NDE1: variants seen among roughly 807,000 people sequenced by gnomAD.
The protein encoded by NDE1 is nuclear distribution protein nudE homolog 1.
A neutral mutation model predicts 43.4 loss-of-function variants in NDE1; 28 were observed. The observed-to-expected ratio is 0.65, with a 90% CI of 0.48 to 0.89. The LOEUF (loss-of-function observed/expected upper bound fraction) is 0.89, where lower values mean the gene tolerates loss of function less well. NDE1 is among the 40% of genes least tolerant of loss of function. NDE1 has a pLI of 0.00. For synonymous variants in NDE1, 184 were observed against 172.0 expected (o/e 1.07, Z -0.55); for missense variants, 441 against 434.1 (o/e 1.02, Z -0.14).
chr16:15,718,507 G>C, intron 8 of NDE1: 1 of 1,529,784 alleles, frequency 6.5e-7, no homozygotes, highest in South Asian at 1.2e-5. Flanking sequence ...CCTCCTTGGA[G>C]TCATGCCTCA....
chr16:15,690,353 CTTTTTTTTTTTT>C (rs869069843), intron 5 of NDE1, among the ~76,000 whole-genome samples: 2,067 of 81,132 alleles, frequency 0.025, 31 homozygotes, highest in South Asian at 0.063. Context: ...TTTTTTTTTT[CTTTTTTTTTTTT>C]TTTTTTTTTT....
At chr16:15,698,744 C>T (rs2151148689) in intron 8 of NDE1, among the ~76,000 whole-genome samples, 1 of 151,968 alleles carries the variant, frequency 6.6e-6, no homozygotes, top group South Asian at 2.1e-4. Context: ...GCCTGTAGTC[C>T]CAGCTGCTTG....
At chr16:15,678,791 A>G (rs2038018427) in intron 4 of NDE1, among the ~76,000 whole-genome samples, 2 of 152,118 alleles carry the variant, frequency 1.3e-5, no homozygotes, top group African/African-American at 4.8e-5. Flanking sequence ...AAATGCGCAG[A>G]TGTGGCCAGG....
chr16:15,690,364 T>TC (rs2038688009), intron 5 of NDE1, among the ~76,000 whole-genome samples: 2 of 114,010 alleles, frequency 1.8e-5, no homozygotes, highest in South Asian at 3.2e-4. Context: ...TTTTTTTTTT[T>TC]TTTTTTTTTT....
At position 15,724,413 on chromosome 16, in the gene NDE1, C is replaced by T. The variant is rs754942889; in HGVS notation, c.*162C>T. On this transcript the variant is annotated 3_prime_UTR_variant, in exon 9 of 9. Coordinates refer to ENST00000396354, the MANE Select transcript of NDE1 (RefSeq NM_017668.3). ...GCTTCTTCTTCGAGTCGGAGAGCTACAAGGACAGCGTCCAGGGTAGGGTGA... is the reference window on the plus strand; with the variant it reads ...GCTTCTTCTTCGAGTCGGAGAGCTATAAGGACAGCGTCCAGGGTAGGGTGA... 5 of 1,613,638 alleles carry T rather than the reference C, an allele frequency of 3.1e-6. No individual in the cohort carries two copies. In the African/African-American group the frequency reaches 5.3e-5, roughly 17 times the overall value.
intron 7 of NDE1, among the ~76,000 whole-genome samples, chr16:15,696,391 A>G (rs554389494): frequency 2.8e-5 from 4 of 141,380 alleles, no homozygotes; most frequent in African/African-American, 9.1e-5. Context: ...CAAAACAAAA[A>G]AAAAAACTGA....
chr16:15,721,481 T>G lies in NDE1; in HGVS notation c.948-2710T>G. On this transcript the variant is annotated intron_variant, in intron 8 of 8. Coordinates refer to ENST00000396354, the MANE Select transcript of NDE1 (RefSeq NM_017668.3). ...TCTTCCATTTCGGCTTTGAGCATTT[T>G]GTTGGTCCGCTCGAGTTCCTCTTTG... The G allele has an allele frequency of 6.2e-6, 10 of 1,614,198 alleles. No individual in the cohort carries two copies. The highest frequency in any genetic ancestry group is 8.5e-6 in the Non-Finnish European group (10 of 1,180,046).
At chr16:15,675,980 A>C (rs2037849349) in intron 3 of NDE1, among the ~76,000 whole-genome samples, 1 of 152,112 alleles carries the variant, frequency 6.6e-6, no homozygotes. Context: ...TAGGTGGTGT[A>C]CTTAGCCTGG....
At chr16:15,690,180 G>A (rs962133788) in intron 5 of NDE1, among the ~76,000 whole-genome samples, 5 of 151,672 alleles carry the variant, frequency 3.3e-5, no homozygotes, top group African/African-American at 1.2e-4. Flanking sequence ...AAGCAGCTGG[G>A]ACTACAGGCG....
upstream of NDE1, among the ~76,000 whole-genome samples, chr16:15,646,441 C>T (rs532288213): frequency 4.6e-5 from 7 of 152,122 alleles, no homozygotes; most frequent in East Asian, 3.9e-4. Flanking sequence ...ATTAGCTGGA[C>T]GTGGTGGTGC....
At chr16:15,720,999 A>T (rs150724324) in intron 8 of NDE1, 8 of 1,613,846 alleles carry the variant, frequency 5.0e-6, no homozygotes, top group Non-Finnish European at 6.8e-6. Flanking sequence ...CTGCGTCTTC[A>T]TCTCCTCCAT....
At chr16:15,665,126 C>T (rs1229915963) in intron 2 of NDE1, among the ~76,000 whole-genome samples, 1 of 151,416 alleles carries the variant, frequency 6.6e-6, no homozygotes, top group Non-Finnish European at 1.5e-5. Context: ...CTCCTGGACT[C>T]AAGTGATGCA....
intron 8 of NDE1, 34 bp from the exon 9 acceptor site, chr16:15,724,157 C>G: frequency 6.2e-7 from 1 of 1,613,166 alleles, no homozygotes; most frequent in Non-Finnish European, 8.5e-7. Context: ...CCCACGCCCT[C>G]TACCTGATCA....
intron 8 of NDE1, among the ~76,000 whole-genome samples, chr16:15,706,236 T>C (rs1384279917): frequency 6.6e-6 from 1 of 152,122 alleles, no homozygotes; most frequent in Non-Finnish European, 1.5e-5. Context: ...ACTAGAGAAC[T>C]CTCCATCCTT....
intron 6 of NDE1, 73 bp from the exon 7 acceptor site, chr16:15,694,092 G>T: frequency 6.4e-7 from 1 of 1,557,272 alleles, no homozygotes; most frequent in East Asian, 2.4e-5. Context: ...CCGTGGTTTT[G>T]GATCTAGCGA....
chr16:15,690,364 T>TTC (rs2038688241), intron 5 of NDE1, among the ~76,000 whole-genome samples: 1 of 114,010 alleles, frequency 8.8e-6, no homozygotes, highest in Non-Finnish European at 1.8e-5. Context: ...TTTTTTTTTT[T>TTC]TTTTTTTTTT....
At position 15,720,140 on chromosome 16, in the gene NDE1, G is replaced by C. The variant is rs760184952; in HGVS notation, c.948-4051G>C. On this transcript the variant is annotated intron_variant, in intron 8 of 8. Transcript: ENST00000396354. ...CCTCCACCCATGCCCCAAGCTCCTAGTGTCACCCACCTGCAGTTTGCGTAG... is the reference window on the plus strand; with the variant it reads ...CCTCCACCCATGCCCCAAGCTCCTACTGTCACCCACCTGCAGTTTGCGTAG... 1.9e-6 allele frequency: 3 copies of C among 1,614,060 alleles called. No homozygotes were observed. The East Asian group carries it at 6.7e-5, about 36-fold the overall frequency.
At chr16:15,663,297 C>A (rs1374189720) in intron 1 of NDE1, among the ~76,000 whole-genome samples, 1 of 150,198 alleles carries the variant, frequency 6.7e-6, no homozygotes, top group Non-Finnish European at 1.5e-5. Context: ...TGGAGTGCAG[C>A]GGCACGATCT....
intron 7 of NDE1, chr16:15,694,929 T>C (rs544718769): frequency 3.1e-6 from 3 of 982,120 alleles, no homozygotes; most frequent in Admixed American, 6.2e-5. Context: ...CCCAGTGCTT[T>C]GGGAGGCCAA....
Sources: gnomAD v4.1 joint callset for allele counts (sites outside exome capture counted in the v4.1 genomes callset) on GRCh38, gnomAD v4.1.1 for gene constraint, MANE v1.5 for transcripts, NCBI Gene and HGNC (gene_info 2026-07-23, HGNC 2026-07-21) for gene names.